The following MIA2 variants were observed in gnomAD, a reference collection of about 807,000 sequenced individuals.
MIA2 encodes MIA SH3 domain ER export factor 2.
A neutral mutation model predicts 167.8 loss-of-function variants in MIA2; 127 were observed. The observed-to-expected ratio is 0.76, with a 90% CI of 0.66 to 0.88. The LOEUF is 0.88. Ranked by LOEUF, MIA2 falls within the 40% of genes least tolerant of loss-of-function variation. MIA2 has a pLI of 0.00. For missense variants in MIA2, 1,690 were observed against 1,624.7 expected (o/e 1.04, Z -0.69); for synonymous variants, 552 against 541.9 (o/e 1.02, Z -0.26).
chr14:39,281,594 CTTATTT>C (rs770179479), intron 9 of MIA2, among the ~76,000 whole-genome samples: 1 of 147,970 alleles, frequency 6.8e-6, no homozygotes, highest in Non-Finnish European at 1.5e-5. Flanking sequence ...ATTATGCTCT[CTTATTT>C]TTGTTTTGTT....
chr14:39,359,992 G>GTTT (rs58076493), intron 23 of MIA2, among the ~76,000 whole-genome samples: 7 of 128,840 alleles, frequency 5.4e-5, no homozygotes, highest in South Asian at 5.2e-4. Context: ...TCTGCAGCAT[G>GTTT]TTTTTTTTTT....
intron 25 of MIA2, among the ~76,000 whole-genome samples, chr14:39,343,688 G>A (rs527865129): frequency 1.3e-5 from 2 of 151,964 alleles, no homozygotes; most frequent in African/African-American, 4.8e-5. Flanking sequence ...AAGTTTGAAA[G>A]CAAAAAAGAA....
intron 24 of MIA2, among the ~76,000 whole-genome samples, chr14:39,321,810 G>C (rs1432523804): frequency 6.7e-6 from 1 of 149,046 alleles, no homozygotes; most frequent in Non-Finnish European, 1.5e-5. Context: ...GCTCAGGCTG[G>C]AATGCAGTGG....
intron 23 of MIA2, among the ~76,000 whole-genome samples, chr14:39,364,335 A>G (rs751144968): frequency 3.3e-5 from 5 of 151,066 alleles, no homozygotes; most frequent in Non-Finnish European, 7.4e-5. Flanking sequence ...GTGCCACTGC[A>G]CTCCAACCTG....
intron 28 of MIA2, among the ~76,000 whole-genome samples, chr14:39,349,247 C>T (rs866587316): frequency 3.9e-5 from 6 of 152,046 alleles, no homozygotes; most frequent in African/African-American, 7.2e-5. Flanking sequence ...GCAGGTCTTA[C>T]GATAAAACTA....
chr14:39,362,044 AAT>A (rs1438473529), intron 23 of MIA2, among the ~76,000 whole-genome samples: 1 of 152,184 alleles, frequency 6.6e-6, no homozygotes, highest in Non-Finnish European at 1.5e-5. Context: ...AACCCACTTG[AAT>A]ATAGTTTATT....
chr14:39,364,514 T>G (rs1477436621), intron 23 of MIA2, among the ~76,000 whole-genome samples: 1 of 152,058 alleles, frequency 6.6e-6, no homozygotes, highest in East Asian at 1.9e-4. Flanking sequence ...GCTTTACCAG[T>G]AAGTTTTATA....
chr14:39,291,166 G>GACTC, intron 10 of MIA2, 70 bp downstream of exon 10: 1 of 1,350,194 alleles, frequency 7.4e-7, no homozygotes, highest in Non-Finnish European at 1.0e-6. Flanking sequence ...CTTTAAAAAT[G>GACTC]TATCTTCTGA....
chr14:39,234,752 G>A lies in MIA2; in HGVS notation c.115+523G>A, dbSNP rs2053656272. On this transcript the variant is annotated intron_variant, in intron 1 of 28. Transcript: ENST00000640607. ...ACTTTACTAAATGTTAATCATTTCT[G>A]TGTTATTTATTATGTAAAAATACTG... 2.0e-5 allele frequency among the ~76,000 whole-genome samples: 3 copies of A among 151,718 alleles called. 1 individual carries two copies. In the South Asian group the frequency reaches 6.2e-4, roughly 31 times the overall value.
chr14:39,243,973 A>G (rs1167296244), intron 3 of MIA2, among the ~76,000 whole-genome samples: 1 of 152,230 alleles, frequency 6.6e-6, no homozygotes, highest in Admixed American at 6.5e-5. Flanking sequence ...ATATGACTGA[A>G]CAAAAAGGGT....
Position 39,289,017 on chromosome 14 carries a change from G to A in MIA2, c.2131-2002G>A, listed in dbSNP as rs148981960. On this transcript the variant is annotated intron_variant, in intron 9 of 28. Transcript: ENST00000640607. ...GTGTTAGGAAATATTCCCTCCTGTT[G>A]TTTTTCTTGGAAGAGTTTAAGAAGT... Among the ~76,000 whole-genome samples the A allele has an allele frequency of 1.7e-3, 253 of 152,116 alleles. 4 individuals are homozygous for A. The highest frequency in any genetic ancestry group is 2.7e-3 in the Non-Finnish European group (183 of 67,984).
chr14:39,381,665 C>CAGT (rs1173850427), intron 23 of MIA2, among the ~76,000 whole-genome samples: 1 of 106,074 alleles, frequency 9.4e-6, no homozygotes, highest in Non-Finnish European at 1.9e-5. Flanking sequence ...CTTTTGCTGG[C>CAGT]TGTTTTTTTT....
chr14:39,377,324 T>C lies in MIA2; in HGVS notation c.2249-9561T>C, dbSNP rs150708609. Among the ~76,000 whole-genome samples, 738 of 152,162 alleles carry C rather than the reference T, an allele frequency of 4.9e-3. 4 individuals are homozygous for C. Among genetic ancestry groups the C allele is most frequent in the Non-Finnish European group, 8.2e-3 (555 of 67,974 alleles). On this transcript the variant is annotated intron_variant, in intron 23 of 23. Transcript: ENST00000341502. ...CATCAGTAGGCAGGTATGAAAATGG[T>C]TTATGTATATAAATAGGTTGCTATT...
intron 6 of MIA2, among the ~76,000 whole-genome samples, chr14:39,263,486 T>C (rs1465178776): frequency 6.6e-6 from 1 of 151,988 alleles, no homozygotes; most frequent in African/African-American, 2.4e-5. Context: ...CCTTCTGCCT[T>C]AGTCTCCCAG....
At chr14:39,239,019 A>C (rs2053923524) in intron 2 of MIA2, among the ~76,000 whole-genome samples, 1 of 152,112 alleles carries the variant, frequency 6.6e-6, no homozygotes, top group Admixed American at 6.6e-5. Flanking sequence ...TTTACTCCCA[A>C]GCTGAACAAG....
In MIA2 at chr14:39,304,561, G is replaced by C. The variant is rs142306032; in HGVS notation, c.2878+180G>C. Among the ~76,000 whole-genome samples, 170 of 152,156 alleles carry C rather than the reference G, an allele frequency of 1.1e-3. 2 individuals are homozygous for C. The East Asian group carries it at 0.026, about 23-fold the overall frequency. On this transcript the variant is annotated intron_variant, in intron 17 of 28. Transcript: ENST00000640607. ...GGTTTTTGTTGTCATTGTTGCTAAA[G>C]GCATATCGATTTCCTCTGTATTTAT...
chr14:39,356,999 G>T (rs2074545435), intron 23 of MIA2, among the ~76,000 whole-genome samples: 1 of 152,130 alleles, frequency 6.6e-6, no homozygotes, highest in Admixed American at 6.5e-5. Context: ...GAATAAGTGT[G>T]GTGTGGTGCT....
intron 25 of MIA2, among the ~76,000 whole-genome samples, chr14:39,330,122 A>G (rs914076552): frequency 1.3e-5 from 2 of 152,164 alleles, no homozygotes; most frequent in Non-Finnish European, 2.9e-5. Context: ...TTGGTAGGCT[A>G]TTAATTACTA....
At chr14:39,337,537 A>T (rs947429313) in intron 25 of MIA2, among the ~76,000 whole-genome samples, 2 of 152,246 alleles carry the variant, frequency 1.3e-5, no homozygotes, top group Non-Finnish European at 2.9e-5. Context: ...ATCCTGGGCC[A>T]TAAAACAAAC....
Sources: allele counts gnomAD v4.1 joint callset (sites outside exome capture counted in the v4.1 genomes callset), GRCh38; gene constraint gnomAD v4.1.1; transcripts MANE v1.5; gene names NCBI Gene and HGNC (gene_info 2026-07-23, HGNC 2026-07-21).